The following MEI4 variants were observed in gnomAD, a reference collection of about 807,000 sequenced individuals.
MEI4 encodes meiosis-specific protein MEI4.
Under a neutral mutation model 31.4 loss-of-function variants are expected in MEI4, and 27 were observed. That is an observed-to-expected ratio of 0.86 (90% CI 0.63 to 1.19). The LOEUF is 1.19. Among genes scored for constraint, MEI4 ranks in the 50% most tolerant of loss-of-function variants. The pLI is 0.00. For missense variants in MEI4, 329 were observed against 398.9 expected (o/e 0.82, Z 1.49); for synonymous variants, 122 against 145.4 (o/e 0.84, Z 1.16).
intron 4 of MEI4, among the ~76,000 whole-genome samples, chr6:77,877,797 C>G (rs1771380523): frequency 6.7e-6 from 1 of 148,630 alleles, no homozygotes; most frequent in Admixed American, 6.7e-5. Flanking sequence ...ATTCTCCCTC[C>G]CTTCAAAAAG....
intron 3 of MEI4, among the ~76,000 whole-genome samples, chr6:77,783,178 C>A (rs570863653): frequency 9.3e-4 from 142 of 152,208 alleles, no homozygotes; most frequent in Middle Eastern, 3.4e-3. Flanking sequence ...CTGGCAATCA[C>A]AAATCCAATG....
At chr6:77,685,782 A>T (rs1454179762) in intron 1 of MEI4, among the ~76,000 whole-genome samples, 1 of 152,156 alleles carries the variant, frequency 6.6e-6, no homozygotes, top group Admixed American at 6.6e-5. Flanking sequence ...CCACTTAGAA[A>T]AATATAGAAT....
At chr6:77,882,870 C>G (rs1187623893) in intron 4 of MEI4, among the ~76,000 whole-genome samples, 1 of 151,898 alleles carries the variant, frequency 6.6e-6, no homozygotes, top group South Asian at 2.1e-4. Context: ...TAATTTAGTT[C>G]CCCAAAAATG....
chr6:77,846,436 C>T (rs919799493), intron 4 of MEI4, among the ~76,000 whole-genome samples: 13 of 152,044 alleles, frequency 8.6e-5, no homozygotes, highest in African/African-American at 1.4e-4. Context: ...TGGTTATTCT[C>T]GTTTCTTTAG....
At chr6:77,884,009 C>T (rs1445639197) in intron 4 of MEI4, among the ~76,000 whole-genome samples, 4 of 151,898 alleles carry the variant, frequency 2.6e-5, no homozygotes, top group Non-Finnish European at 5.9e-5. Context: ...TCCTCTGCAT[C>T]CTCACCAACG....
intron 1 of MEI4, among the ~76,000 whole-genome samples, chr6:77,669,326 G>A (rs866695016): frequency 3.9e-5 from 6 of 152,132 alleles, no homozygotes; most frequent in African/African-American, 1.4e-4. Flanking sequence ...TGAAAAACTG[G>A]ATTTTTAATA....
chr6:77,713,896 C>G (rs1428597101), intron 2 of MEI4, among the ~76,000 whole-genome samples: 1 of 151,996 alleles, frequency 6.6e-6, no homozygotes, highest in Non-Finnish European at 1.5e-5. Context: ...ATGCTTATTG[C>G]CTCTACAGTT....
chr6:77,743,630 G>A (rs1027781501), intron 2 of MEI4, among the ~76,000 whole-genome samples: 4 of 152,150 alleles, frequency 2.6e-5, no homozygotes, highest in Admixed American at 6.5e-5. Flanking sequence ...CTCCCAGCAC[G>A]CAGCTGGAGA....
In MEI4 at chr6:77,726,301, T is replaced by A. The variant is rs190216382; in HGVS notation, c.233-34829T>A. Among the ~76,000 whole-genome samples the A allele has an allele frequency of 1.3e-3, 199 of 150,806 alleles. 2 individuals are homozygous for A. The East Asian group carries it at 0.028, about 21-fold the overall frequency. On this transcript the variant is annotated intron_variant, in intron 2 of 4. Coordinates refer to ENST00000684080, the MANE Select transcript of MEI4 (RefSeq NM_001322247.2). ...TTTCTTAGTACATAACAAAATGGAG[T>A]CTCCTATGTCTACTTCTTTCTACAC...
At chr6:77,772,171 T>C (rs1263919782) in intron 3 of MEI4, among the ~76,000 whole-genome samples, 1 of 151,668 alleles carries the variant, frequency 6.6e-6, no homozygotes, top group Admixed American at 6.6e-5. Context: ...GCTCAAACTC[T>C]TCTGAAAAAT....
At chr6:77,816,472 A>T (rs776306478) in intron 3 of MEI4, among the ~76,000 whole-genome samples, 3 of 152,086 alleles carry the variant, frequency 2.0e-5, no homozygotes, top group African/African-American at 7.2e-5. Flanking sequence ...AATACATTTC[A>T]TCCTTTTTTA....
intron 3 of MEI4, among the ~76,000 whole-genome samples, chr6:77,777,615 C>T (rs1033485962): frequency 2.0e-5 from 3 of 152,162 alleles, no homozygotes; most frequent in African/African-American, 7.2e-5. Context: ...CTAAAGCTTA[C>T]AGTGCACAAG....
chr6:77,817,401 TG>T lies in MEI4; in HGVS notation c.769-11529del, dbSNP rs1182457604. Among the ~76,000 whole-genome samples the T allele has an allele frequency of 8.5e-5, 13 of 152,260 alleles. 1 individual carries two copies. In the South Asian group the frequency reaches 2.5e-3, roughly 29 times the overall value. The stretch of plus-strand genomic sequence containing the variant: ...AATATCCAGGGTGACCTTTGTTGCC[TG>T]ATAGTGAGTCTTAGGGAGATCTTTA... On this transcript the variant is annotated intron_variant, in intron 3 of 4. Transcript: ENST00000684080.
intron 4 of MEI4, among the ~76,000 whole-genome samples, chr6:77,899,784 G>C (rs1766152035): frequency 2.0e-5 from 3 of 151,978 alleles, no homozygotes; most frequent in Admixed American, 2.0e-4. Context: ...TCCACACACA[G>C]ACACACATTT....
chr6:77,920,161 C>G (rs1037549268), intron 4 of MEI4, among the ~76,000 whole-genome samples: 1 of 151,404 alleles, frequency 6.6e-6, no homozygotes, highest in African/African-American at 2.4e-5. Flanking sequence ...AGGCCAGCAT[C>G]ATTCTGATAC....
rs79177448 is a variant in MEI4, at chr6:77,903,703, C to A, written c.901-19386C>A. On this transcript the variant is annotated intron_variant, in intron 4 of 4. Coordinates refer to ENST00000684080, the MANE Select transcript of MEI4 (RefSeq NM_001322247.2). ...ATATAGCTTTTCTTTTGTGGAGGTA[C>A]ATCCCTTCTATCTAATTCATTGAAA... Among the ~76,000 whole-genome samples the A allele has an allele frequency of 9.2e-3, 1,398 of 152,170 alleles. 17 individuals carry two copies. Among genetic ancestry groups the A allele is most frequent in the African/African-American group, 0.031 (1,293 of 41,548 alleles).
At chr6:77,719,505 T>G (rs1766668058) in intron 2 of MEI4, among the ~76,000 whole-genome samples, 1 of 58,582 alleles carries the variant, frequency 1.7e-5, no homozygotes, top group Non-Finnish European at 3.1e-5. Context: ...ATATTTATCA[T>G]CATCCCTTCT....
intron 4 of MEI4, among the ~76,000 whole-genome samples, chr6:77,921,077 C>T (rs1264663788): frequency 1.3e-5 from 2 of 151,872 alleles, no homozygotes; most frequent in Non-Finnish European, 2.9e-5. Context: ...ATTTATTTCT[C>T]CCCTGTAGCT....
At chr6:77,711,513 A>G (rs1165933890) in intron 2 of MEI4, among the ~76,000 whole-genome samples, 1 of 152,066 alleles carries the variant, frequency 6.6e-6, no homozygotes. Flanking sequence ...ATTTGACTAT[A>G]TTTTCCTACA....
Sources: gnomAD v4.1 joint callset for allele counts (sites outside exome capture counted in the v4.1 genomes callset) on GRCh38, gnomAD v4.1.1 for gene constraint, MANE v1.5 for transcripts, NCBI Gene and HGNC (gene_info 2026-07-23, HGNC 2026-07-21) for gene names.